NRXN1: variants seen among roughly 807,000 people sequenced by gnomAD.
NRXN1 encodes the protein neurexin 1, also known as neurexin-1.
In NRXN1, 39 loss-of-function variants were observed where a neutral mutation model predicts 150.9. That is an observed-to-expected ratio of 0.26 (90% CI 0.20 to 0.34). The LOEUF is 0.34. Ranked by LOEUF, NRXN1 falls within the 10% of genes least tolerant of loss-of-function variation. NRXN1 has a pLI of 1.00. For missense variants in NRXN1, 1,815 were observed against 1,949.9 expected (o/e 0.93, Z 1.30); for synonymous variants, 924 against 757.0 (o/e 1.22, Z -3.62).
chr2:50,715,534 T>C (rs182839345), intron 5 of NRXN1, among the ~76,000 whole-genome samples: 1 of 152,330 alleles, frequency 6.6e-6, no homozygotes, highest in East Asian at 1.9e-4. Context: ...AAATATGCCG[T>C]CTATTTCTGG....
At chr2:49,979,095 G>A (rs111556538) in intron 21 of NRXN1, among the ~76,000 whole-genome samples, 2,979 of 152,164 alleles carry the variant, frequency 0.02, 106 homozygotes, top group African/African-American at 0.068. Flanking sequence ...TCAGGAGTTC[G>A]AGACCAGCCT....
At chr2:50,513,099 T>C (rs967493975) in intron 12 of NRXN1, among the ~76,000 whole-genome samples, 6 of 152,206 alleles carry the variant, frequency 3.9e-5, no homozygotes, top group African/African-American at 1.4e-4. Flanking sequence ...AAATGTGAGA[T>C]AATAATGCCT....
At chr2:50,643,202 C>T (rs910097906) in intron 5 of NRXN1, among the ~76,000 whole-genome samples, 8 of 151,812 alleles carry the variant, frequency 5.3e-5, no homozygotes, top group Non-Finnish European at 1.0e-4. Flanking sequence ...GCCCTGACTC[C>T]AGAATCACAA....
At chr2:50,887,406 C>T (rs867399056) in intron 5 of NRXN1, among the ~76,000 whole-genome samples, 1 of 151,368 alleles carries the variant, frequency 6.6e-6, no homozygotes, top group Non-Finnish European at 1.5e-5. Flanking sequence ...TATTTGTAAA[C>T]AGTTAGAATA....
chr2:50,239,501 T>TA (rs2065787050), intron 17 of NRXN1, among the ~76,000 whole-genome samples: 1 of 16,188 alleles, frequency 6.2e-5, no homozygotes, highest in Admixed American at 9.2e-4. Context: ...ACTTTCACAA[T>TA]TAAAAAAAAT....
chr2:50,580,539 T>C (rs184439048), intron 8 of NRXN1, among the ~76,000 whole-genome samples: 1 of 152,334 alleles, frequency 6.6e-6, no homozygotes, highest in African/African-American at 2.4e-5. Context: ...GGACAGATTA[T>C]GAGACACTTC....
chr2:50,331,417 T>G (rs1333574881), intron 17 of NRXN1, among the ~76,000 whole-genome samples: 2 of 152,128 alleles, frequency 1.3e-5, no homozygotes, highest in East Asian at 3.9e-4. Flanking sequence ...GATTTAAAAG[T>G]TGTGTGTGTG....
intron 21 of NRXN1, among the ~76,000 whole-genome samples, chr2:50,038,323 C>T: frequency 6.6e-6 from 1 of 152,134 alleles, no homozygotes; most frequent in East Asian, 1.9e-4. Context: ...GTGTCACTTC[C>T]AAGATTAGGT....
chr2:50,015,516 CAAAAAAAAAAAAAAA>C (rs34466037), intron 21 of NRXN1, among the ~76,000 whole-genome samples: 524 of 31,374 alleles, frequency 0.017, 18 homozygotes, highest in African/African-American at 0.054. Flanking sequence ...GGATTTCTGC[CAAAAAAAAAAAAAAA>C]AAAAAAAAAA....
intron 17 of NRXN1, among the ~76,000 whole-genome samples, chr2:50,258,104 G>C (rs1407617803): frequency 6.6e-6 from 1 of 151,918 alleles, no homozygotes; most frequent in African/African-American, 2.4e-5. Context: ...TACTGATTAG[G>C]GTGGTGGCTG....
chr2:51,003,098 A>G (rs942579843), intron 2 of NRXN1, among the ~76,000 whole-genome samples: 1 of 151,954 alleles, frequency 6.6e-6, no homozygotes, highest in Non-Finnish European at 1.5e-5. Context: ...ATCCAAGAAT[A>G]TCCTAAAATT....
chr2:50,918,731 GACAT>G, intron 5 of NRXN1: 1 of 327,396 alleles, frequency 3.1e-6, no homozygotes. Context: ...AAAGAGAAAA[GACAT>G]ACTTCATTCA....
intron 5 of NRXN1, chr2:50,918,537 T>C: frequency 2.7e-6 from 1 of 370,850 alleles, no homozygotes. Flanking sequence ...TATTAACTTG[T>C]GCTCCTGAGC....
chr2:50,407,747 C>T lies in NRXN1; in HGVS notation c.3364+57695G>A, dbSNP rs187331710. Reference sequence around the variant, plus strand: ...CCTCAGGACTCTGTAGAGAGACCTCCGCAGCAAAAAGGCCCTCACCAGATA... The same window carrying T: ...CCTCAGGACTCTGTAGAGAGACCTCTGCAGCAAAAAGGCCCTCACCAGATA... On this transcript the variant is annotated intron_variant, in intron 17 of 22. Transcript: ENST00000401669. 4.7e-4 allele frequency among the ~76,000 whole-genome samples: 71 copies of T among 152,136 alleles called. 1 individual carries two copies. The highest frequency in any genetic ancestry group is 1.6e-3 in the African/African-American group (67 of 41,506).
intron 8 of NRXN1, among the ~76,000 whole-genome samples, chr2:50,602,169 T>C (rs1676380162): frequency 6.6e-6 from 1 of 152,180 alleles, no homozygotes. Context: ...AGGATTTCAA[T>C]GAGATTTGGA....
chr2:50,940,535 C>T (rs1574996816), intron 2 of NRXN1, among the ~76,000 whole-genome samples: 1 of 150,316 alleles, frequency 6.7e-6, no homozygotes, highest in Non-Finnish European at 1.5e-5. Flanking sequence ...CACAACATAA[C>T]CTTGTGCTCT....
chr2:50,625,107 A>T (rs1241963369), intron 5 of NRXN1: 1 of 151,988 alleles, frequency 6.6e-6, no homozygotes, highest in Non-Finnish European at 1.5e-5. Flanking sequence ...GAGAGGGTTG[A>T]TACATCAGCA....
At chr2:50,082,220 G>C (rs1049398220) in intron 19 of NRXN1, among the ~76,000 whole-genome samples, 1 of 152,034 alleles carries the variant, frequency 6.6e-6, no homozygotes, top group Non-Finnish European at 1.5e-5. Flanking sequence ...CTGATTACCC[G>C]TATCTTTGGT....
intron 5 of NRXN1, among the ~76,000 whole-genome samples, chr2:50,649,297 A>ACAC (rs1685265655): frequency 2.6e-5 from 3 of 114,468 alleles, no homozygotes; most frequent in Non-Finnish European, 5.5e-5. Context: ...CACACACACA[A>ACAC]AGAAATCACA....
Sources: allele counts gnomAD v4.1 joint callset (sites outside exome capture counted in the v4.1 genomes callset), GRCh38; gene constraint gnomAD v4.1.1; transcripts MANE v1.5; gene names NCBI Gene and HGNC (gene_info 2026-07-23, HGNC 2026-07-21).